Variants in NFATC2 observed in about 807,000 individuals in gnomAD.
NFATC2 encodes nuclear factor of activated T cells 2, also known as nuclear factor of activated T-cells, cytoplasmic 2.
Under a neutral mutation model 87.3 loss-of-function variants are expected in NFATC2, and 22 were observed. That is an observed-to-expected ratio of 0.25 (90% CI 0.18 to 0.36). The LOEUF (loss-of-function observed/expected upper bound fraction) is 0.36, where lower values mean the gene tolerates loss of function less well. Among genes scored for constraint, NFATC2 ranks in the 10% least tolerant of loss-of-function variants. The pLI is 1.00. For missense variants in NFATC2, 1,149 were observed against 1,259.1 expected (o/e 0.91, Z 1.32); for synonymous variants, 565 against 542.2 (o/e 1.04, Z -0.58).
chr20:51,413,029 G>A (rs946650259), intron 9 of NFATC2, among the ~76,000 whole-genome samples: 7 of 136,382 alleles, frequency 5.1e-5, no homozygotes, highest in Non-Finnish European at 1.1e-4. Context: ...ACATGGAGCC[G>A]AGTACAGTGT....
chr20:51,557,805 A>G (rs1267526179), intron 1 of NFATC2, among the ~76,000 whole-genome samples: 1 of 152,166 alleles, frequency 6.6e-6, no homozygotes, highest in African/African-American at 2.4e-5. Context: ...CTGAACACCT[A>G]CTAAGTGCCA....
intron 3 of NFATC2, among the ~76,000 whole-genome samples, chr20:51,499,084 G>A (rs2076037920): frequency 6.6e-6 from 1 of 152,154 alleles, no homozygotes; most frequent in African/African-American, 2.4e-5. Context: ...GACACGGCCT[G>A]GTCCACGGTG....
intron 10 of NFATC2, among the ~76,000 whole-genome samples, chr20:51,397,408 G>A (rs369232850): frequency 3.3e-5 from 5 of 152,292 alleles, no homozygotes; most frequent in Admixed American, 1.3e-4. Flanking sequence ...GAGTGATGGT[G>A]GAACAGCAGT....
chr20:51,464,369 G>A (rs1302609466), intron 5 of NFATC2, among the ~76,000 whole-genome samples: 2 of 152,228 alleles, frequency 1.3e-5, no homozygotes, highest in Admixed American at 1.3e-4. Flanking sequence ...TACAGATAGG[G>A]AAAGCGAGGC....
chr20:51,438,849 A>C (rs1437115754), intron 6 of NFATC2, among the ~76,000 whole-genome samples: 1 of 152,252 alleles, frequency 6.6e-6, no homozygotes, highest in Non-Finnish European at 1.5e-5. Context: ...CCAGAGAAGC[A>C]AGGCGGCTGT....
At chr20:51,469,515 C>T (rs976019308) in intron 5 of NFATC2, among the ~76,000 whole-genome samples, 5 of 152,116 alleles carry the variant, frequency 3.3e-5, no homozygotes, top group African/African-American at 9.7e-5. Flanking sequence ...CATAGTACCC[C>T]CTACCCGACT....
intron 1 of NFATC2, among the ~76,000 whole-genome samples, chr20:51,551,422 G>T (rs2076931438): frequency 6.6e-6 from 1 of 151,718 alleles, no homozygotes; most frequent in Non-Finnish European, 1.5e-5. Flanking sequence ...TATTTTTTTT[G>T]AGACAGGGTC....
Position 51,562,225 on chromosome 20 carries a change from G to T in NFATC2, c.70+335C>A, listed in dbSNP as rs2077038995. Among the ~76,000 whole-genome samples the T allele has an allele frequency of 6.6e-6, 1 of 152,242 alleles. No homozygotes were observed. Among genetic ancestry groups the T allele is most frequent in the Non-Finnish European group, 1.5e-5 (1 of 68,038 alleles). ...CTGTCAAAAGCCGAGTGCTGAAACG[G>T]TTAAACAGCCAGCGGTTAGTAGCGA... On this transcript the variant is annotated intron_variant, in intron 1 of 10. Coordinates refer to the NFATC2 transcript ENST00000414705. The surrounding 1 kb of genome is among the most constrained non-coding windows in gnomAD (Gnocchi z 5.8).
chr20:51,553,737 G>A (rs927916907), intron 1 of NFATC2, among the ~76,000 whole-genome samples: 2 of 151,066 alleles, frequency 1.3e-5, no homozygotes, highest in East Asian at 1.9e-4. Context: ...CTTAAACGAC[G>A]GTCCTTGATC....
At chr20:51,485,610 A>G (rs571505745) in intron 3 of NFATC2, among the ~76,000 whole-genome samples, 49 of 152,100 alleles carry the variant, frequency 3.2e-4, no homozygotes, top group Non-Finnish European at 1.5e-4. Context: ...CCAGTGTAAC[A>G]CTGAGATCAA....
chr20:51,533,074 A>G (rs1293564479), intron 1 of NFATC2, among the ~76,000 whole-genome samples: 1 of 152,218 alleles, frequency 6.6e-6, no homozygotes, highest in Non-Finnish European at 1.5e-5. Flanking sequence ...CCAAGGCAGC[A>G]CTTAGGATGC....
At chr20:51,526,067 G>T (rs1002937947) in intron 1 of NFATC2, among the ~76,000 whole-genome samples, 3 of 151,818 alleles carry the variant, frequency 2.0e-5, no homozygotes, top group Non-Finnish European at 4.4e-5. Flanking sequence ...CACTTCCCCT[G>T]GTTCCTTCCT....
chr20:51,414,259 A>AAAAT lies in NFATC2; in HGVS notation c.2723-15533_2723-15530dup, dbSNP rs201855120. Among the ~76,000 whole-genome samples the AAAAT allele has an allele frequency of 9.0e-3, 1,378 of 152,288 alleles. 18 individuals carry two copies. The highest frequency in any genetic ancestry group is 0.049 in the East Asian group (252 of 5,184). On this transcript the variant is annotated intron_variant, in intron 9 of 10. Transcript: ENST00000371564. ...ACCCAGAGACTCGAGCAAGGGAGAA[A>AAAAT]AAATAAATAAATAAATAAATGGAAA...
intron 9 of NFATC2, among the ~76,000 whole-genome samples, chr20:51,400,499 G>A (rs950434623): frequency 6.6e-6 from 1 of 152,030 alleles, no homozygotes; most frequent in African/African-American, 2.4e-5. Flanking sequence ...CTATCTCAGG[G>A]GACTCGAGAA....
chr20:51,486,405 T>C (rs146446209), intron 3 of NFATC2, among the ~76,000 whole-genome samples: 2 of 152,258 alleles, frequency 1.3e-5, no homozygotes, highest in Non-Finnish European at 2.9e-5. Flanking sequence ...CCTAGAACAT[T>C]CTTCCCCTGG....
At chr20:51,401,502 T>C (rs1988041191) in intron 9 of NFATC2, among the ~76,000 whole-genome samples, 1 of 152,168 alleles carries the variant, frequency 6.6e-6, no homozygotes, top group Non-Finnish European at 1.5e-5. Flanking sequence ...CATATTTAAA[T>C]GGGAGGTAAG....
intron 1 of NFATC2, among the ~76,000 whole-genome samples, chr20:51,540,663 T>TGTTTTGTTTGTTTG (rs1555818355): frequency 1.5e-5 from 2 of 135,692 alleles, no homozygotes; most frequent in African/African-American, 2.8e-5. Context: ...TTTTTGTTTT[T>TGTTTTGTTTGTTTG]TTTTTTTTGA....
intron 1 of NFATC2, among the ~76,000 whole-genome samples, chr20:51,538,159 A>C (rs1208315868): frequency 6.6e-6 from 1 of 152,202 alleles, no homozygotes; most frequent in Non-Finnish European, 1.5e-5. Context: ...GGCCAATATG[A>C]ATATCACTCA....
At chr20:51,399,412 C>CAAATGCCTGATTTAG (rs1987737419) in intron 9 of NFATC2, among the ~76,000 whole-genome samples, 1 of 152,156 alleles carries the variant, frequency 6.6e-6, no homozygotes, top group African/African-American at 2.4e-5. Context: ...AAGTCCATTC[C>CAAATGCCTGATTTAG]AAATGCCTGA....
Sources: gnomAD v4.1 joint callset for allele counts (sites outside exome capture counted in the v4.1 genomes callset) on GRCh38, gnomAD v4.1.1 for gene constraint, Gnocchi (gnomAD v3.1) non-coding constraint, MANE v1.5 for transcripts, NCBI Gene and HGNC (gene_info 2026-07-23, HGNC 2026-07-21) for gene names.